GRM8: variants seen among roughly 807,000 people sequenced by gnomAD.
GRM8 encodes metabotropic glutamate receptor 8.
GRM8 carries 47 observed loss-of-function variants against 87.2 expected under a neutral mutation model. The ratio of observed to expected loss-of-function variants is 0.54; its 90% confidence interval spans 0.43 to 0.69. The LOEUF (loss-of-function observed/expected upper bound fraction) is 0.69, where lower values mean the gene tolerates loss of function less well. Among genes scored for constraint, GRM8 ranks in the 30% least tolerant of loss-of-function variants. The pLI is 0.00. For missense variants in GRM8, 1,019 were observed against 1,139.2 expected, an observed-to-expected ratio of 0.89 and a Z score of 1.52; for synonymous variants, 396 against 404.5, an observed-to-expected ratio of 0.98 and a Z score of 0.25.
chr7:126,770,090 A>T, intron 6 of GRM8, 25 bp from the exon 7 acceptor site: 1 of 1,518,132 alleles, frequency 6.6e-7, no homozygotes, highest in Non-Finnish European at 9.1e-7. Flanking sequence ...AGTAAAAACC[A>T]TCAGTTGATG....
At chr7:127,032,122 A>T (rs144276371) in intron 3 of GRM8, among the ~76,000 whole-genome samples, 95 of 152,216 alleles carry the variant, frequency 6.2e-4, no homozygotes, top group African/African-American at 2.2e-3. Context: ...TGGTGAACCT[A>T]TTCTTTTACT....
At chr7:126,683,361 A>T (rs1807826802) in intron 7 of GRM8, among the ~76,000 whole-genome samples, 1 of 152,212 alleles carries the variant, frequency 6.6e-6, no homozygotes, top group Non-Finnish European at 1.5e-5. Context: ...TGACTAACTC[A>T]TTCCCAATGA....
At chr7:126,499,922 G>A (rs1167948711) in intron 9 of GRM8, among the ~76,000 whole-genome samples, 2 of 141,074 alleles carry the variant, frequency 1.4e-5, no homozygotes, top group Admixed American at 1.4e-4. Context: ...CAATTACTTT[G>A]TTAATTAAAA....
intron 8 of GRM8, among the ~76,000 whole-genome samples, chr7:126,597,142 A>G (rs1451297337): frequency 6.6e-6 from 1 of 152,160 alleles, no homozygotes; most frequent in Non-Finnish European, 1.5e-5. Context: ...TGGCATCCAT[A>G]ACCATATTAA....
intron 3 of GRM8, among the ~76,000 whole-genome samples, chr7:126,918,456 T>C (rs1804163146): frequency 1.3e-5 from 2 of 152,170 alleles, no homozygotes; most frequent in Admixed American, 6.6e-5. Context: ...AGACAACTCA[T>C]GTTACTGTAG....
intron 2 of GRM8, among the ~76,000 whole-genome samples, chr7:127,135,617 CAAAAAAAAAAAAAAA>C (rs1168682673): frequency 2.7e-5 from 1 of 36,840 alleles, no homozygotes; most frequent in Non-Finnish European, 4.8e-5. Flanking sequence ...GACTCCGTCT[CAAAAAAAAAAAAAAA>C]AAAAAAAAAA....
At chr7:126,940,640 T>A (rs1475744178) in intron 3 of GRM8, among the ~76,000 whole-genome samples, 1 of 152,206 alleles carries the variant, frequency 6.6e-6, no homozygotes, top group Non-Finnish European at 1.5e-5. Context: ...AAATTAAAGA[T>A]GAGCTCCCAA....
At chr7:126,933,332 A>G (rs752193496) in intron 3 of GRM8, among the ~76,000 whole-genome samples, 8 of 152,242 alleles carry the variant, frequency 5.3e-5, no homozygotes, top group Non-Finnish European at 1.0e-4. Context: ...TACATCCTGG[A>G]AAGAGTTAAG....
At chr7:126,580,892 T>C (rs1795545909) in intron 8 of GRM8, among the ~76,000 whole-genome samples, 1 of 152,026 alleles carries the variant, frequency 6.6e-6, no homozygotes, top group South Asian at 2.1e-4. Flanking sequence ...TTAAAAAGTA[T>C]ACCTAATACC....
intron 10 of GRM8, among the ~76,000 whole-genome samples, chr7:126,440,547 C>CATGTA (rs1801351575): frequency 6.6e-6 from 1 of 151,812 alleles, no homozygotes; most frequent in Non-Finnish European, 1.5e-5. Context: ...TCCCTATTTA[C>CATGTA]ATGTATACCA....
chr7:127,244,088 A>G (rs1023935604), intron 1 of GRM8, among the ~76,000 whole-genome samples: 20 of 152,230 alleles, frequency 1.3e-4, no homozygotes, highest in African/African-American at 4.8e-4. Flanking sequence ...AAAAATTAAC[A>G]TAGAAAGTCA....
At chr7:126,567,024 G>A (rs1794276411) in intron 8 of GRM8, among the ~76,000 whole-genome samples, 1 of 152,086 alleles carries the variant, frequency 6.6e-6, no homozygotes. Context: ...ACTTATATGA[G>A]TCGAATCATA....
At chr7:127,087,595 T>C (rs1406832032) in intron 3 of GRM8, among the ~76,000 whole-genome samples, 1 of 152,152 alleles carries the variant, frequency 6.6e-6, no homozygotes, top group Non-Finnish European at 1.5e-5. Flanking sequence ...CCAGGAACTA[T>C]GGGAAGAGAA....
intron 3 of GRM8, among the ~76,000 whole-genome samples, chr7:126,948,242 C>T (rs1229338456): frequency 2.6e-5 from 4 of 151,904 alleles, no homozygotes; most frequent in African/African-American, 9.7e-5. Flanking sequence ...ATACCTTACT[C>T]TGCATGAAGA....
Position 126,880,131 on chromosome 7 carries a change from C to T in GRM8, c.1156+22411G>A, listed in dbSNP as rs1202313869. On this transcript the variant is annotated intron_variant, in intron 6 of 10. Coordinates refer to ENST00000339582, the MANE Select transcript of GRM8 (RefSeq NM_000845.3). ...ATAAGTCTCTTGGGTAAAACATAAACGTGCCTGATACCCATTCATTAAAAT... is the reference window on the plus strand; with the variant it reads ...ATAAGTCTCTTGGGTAAAACATAAATGTGCCTGATACCCATTCATTAAAAT... Among the ~76,000 whole-genome samples the T allele has an allele frequency of 3.9e-5, 6 of 152,092 alleles. 1 individual carries two copies. The highest frequency in any genetic ancestry group is 1.3e-4 in the Admixed American group (2 of 15,258).
chr7:126,678,966 T>C (rs1046873551), intron 7 of GRM8, among the ~76,000 whole-genome samples: 1 of 152,252 alleles, frequency 6.6e-6, no homozygotes, highest in African/African-American at 2.4e-5. Context: ...AACATCCCAC[T>C]TGAGTACCTT....
chr7:126,817,081 T>C (rs1241625486), intron 6 of GRM8, among the ~76,000 whole-genome samples: 1 of 152,146 alleles, frequency 6.6e-6, no homozygotes, highest in Non-Finnish European at 1.5e-5. Flanking sequence ...TGATGAAAAG[T>C]TCAACATTGA....
At chr7:126,781,555 G>C (rs758635490) in intron 6 of GRM8, among the ~76,000 whole-genome samples, 2 of 152,102 alleles carry the variant, frequency 1.3e-5, no homozygotes, top group Non-Finnish European at 2.9e-5. Context: ...TATAAACATA[G>C]AAAAGTAAAA....
chr7:127,108,984 T>C (rs1020707281), intron 2 of GRM8, among the ~76,000 whole-genome samples: 1 of 152,236 alleles, frequency 6.6e-6, no homozygotes, highest in Admixed American at 6.5e-5. Context: ...ACATCTCATT[T>C]TTATTTTATT....
Sources: allele counts gnomAD v4.1 joint callset (sites outside exome capture counted in the v4.1 genomes callset), GRCh38; gene constraint gnomAD v4.1.1; transcripts MANE v1.5; gene names NCBI Gene and HGNC (gene_info 2026-07-23, HGNC 2026-07-21).